The following ASTN1 variants were observed in gnomAD, a reference collection of about 807,000 sequenced individuals.
ASTN1 encodes astrotactin-1.
ASTN1 carries 41 observed loss-of-function variants against 140.7 expected under a neutral mutation model. That is an observed-to-expected ratio of 0.29 (90% CI 0.23 to 0.38). The LOEUF is 0.38. Ranked by LOEUF, ASTN1 falls within the 10% of genes least tolerant of loss-of-function variation. The pLI is 1.00. For missense variants in ASTN1, 1,479 were observed against 1,678.8 expected (o/e 0.88, Z 2.08); for synonymous variants, 640 against 652.2 (o/e 0.98, Z 0.29).
chr1:176,875,411 T>C (rs1571441345), intron 21 of ASTN1, among the ~76,000 whole-genome samples: 2 of 152,336 alleles, frequency 1.3e-5, no homozygotes, highest in South Asian at 2.1e-4. Context: ...GAAAGAGTTT[T>C]AAGAAGGGCC....
Position 177,063,061 on chromosome 1 carries a change from G to C in ASTN1, c.284-1796C>G, listed in dbSNP as rs146989314. Among the ~76,000 whole-genome samples, 401 of 152,294 alleles carry C rather than the reference G, an allele frequency of 2.6e-3. 2 individuals are homozygous for C. The highest frequency in any genetic ancestry group is 9.5e-3 in the African/African-American group (394 of 41,570). ...TGGGCAAGTGGACTTCCTTTCAATA[G>C]GTAGAGAAGTAGGGGAAGTATGTTC... On this transcript the variant is annotated intron_variant, in intron 1 of 22. Transcript: ENST00000361833.
chr1:177,149,160 G>GTA lies in ASTN1; in HGVS notation c.283+15232_283+15233dup, dbSNP rs1182356596. Among the ~76,000 whole-genome samples the GTA allele has an allele frequency of 1.0e-3, 97 of 95,516 alleles. 13 individuals carry two copies. Among genetic ancestry groups the GTA allele is most frequent in the African/African-American group, 6.5e-3 (91 of 14,090 alleles). 62.7% of individuals were successfully genotyped at this position (95,516 alleles called of 152,430 possible). On this transcript the variant is annotated intron_variant, in intron 1 of 22. Coordinates refer to ENST00000361833, the MANE Select transcript of ASTN1 (RefSeq NM_004319.3). ...CATATATATAGTGCATATATATAGT[G>GTA]TATATATAGTAAATATATAGTGTAT...
At chr1:176,891,819 A>T (rs1557939067) in intron 17 of ASTN1, among the ~76,000 whole-genome samples, 1 of 152,148 alleles carries the variant, frequency 6.6e-6, no homozygotes. Flanking sequence ...AAAAACAAAA[A>T]CAAACAACAA....
At chr1:176,984,778 G>A (rs946431536) in intron 8 of ASTN1, among the ~76,000 whole-genome samples, 1 of 152,152 alleles carries the variant, frequency 6.6e-6, no homozygotes, top group African/African-American at 2.4e-5. Flanking sequence ...CCTTGCTATA[G>A]TTATTAGCAT....
At chr1:177,134,800 T>C (rs1445436420) in intron 1 of ASTN1, among the ~76,000 whole-genome samples, 1 of 152,220 alleles carries the variant, frequency 6.6e-6, no homozygotes, top group Non-Finnish European at 1.5e-5. Flanking sequence ...ATGATCATCC[T>C]GTGAGAAGAG....
chr1:177,131,365 T>C (rs1681932979), intron 1 of ASTN1, among the ~76,000 whole-genome samples: 1 of 152,150 alleles, frequency 6.6e-6, no homozygotes, highest in Non-Finnish European at 1.5e-5. Context: ...AAAAGTGAAA[T>C]TTCAGTATTA....
At chr1:177,038,632 C>T (rs992421447) in intron 2 of ASTN1, among the ~76,000 whole-genome samples, 2 of 152,114 alleles carry the variant, frequency 1.3e-5, no homozygotes, top group African/African-American at 2.4e-5. Flanking sequence ...AAGTCAGCTG[C>T]TTGGGTGACT....
At chr1:176,980,407 C>A (rs142368771) in intron 8 of ASTN1, among the ~76,000 whole-genome samples, 120 of 152,132 alleles carry the variant, frequency 7.9e-4, no homozygotes, top group African/African-American at 2.6e-3. Flanking sequence ...AAGAAGAGTT[C>A]GATGCTGCTG....
intron 2 of ASTN1, among the ~76,000 whole-genome samples, chr1:177,052,395 T>G (rs1198294910): frequency 6.6e-6 from 1 of 152,246 alleles, no homozygotes; most frequent in African/African-American, 2.4e-5. Flanking sequence ...TCATCTCATT[T>G]AATAATTAAA....
intron 20 of ASTN1, among the ~76,000 whole-genome samples, chr1:176,876,984 A>G (rs975121874): frequency 1.3e-5 from 2 of 152,136 alleles, no homozygotes; most frequent in Admixed American, 6.5e-5. Context: ...GACCCACTGA[A>G]TTAGAAACTC....
intron 2 of ASTN1, among the ~76,000 whole-genome samples, chr1:177,045,187 A>T (rs1677158862): frequency 6.6e-6 from 1 of 152,172 alleles, no homozygotes; most frequent in Admixed American, 6.5e-5. Flanking sequence ...CCTAATGCAT[A>T]TGTGGACATT....
intron 20 of ASTN1, among the ~76,000 whole-genome samples, chr1:176,880,111 T>C (rs1176110781): frequency 6.6e-6 from 1 of 152,156 alleles, no homozygotes; most frequent in Non-Finnish European, 1.5e-5. Context: ...TACTGCTTTG[T>C]CCAAAACTCC....
At chr1:177,030,686 G>C (rs1676384684) in intron 4 of ASTN1, 120 bp downstream of exon 4, 1 of 1,352,744 alleles carries the variant, frequency 7.4e-7, no homozygotes, top group South Asian at 1.6e-5. Flanking sequence ...CTCCAGAAAG[G>C]CTGTGCCAGG....
chr1:177,116,371 T>G (rs1681092845), intron 1 of ASTN1, among the ~76,000 whole-genome samples: 1 of 152,006 alleles, frequency 6.6e-6, no homozygotes, highest in Non-Finnish European at 1.5e-5. Context: ...ACAACACATG[T>G]TTCATAATAC....
intron 16 of ASTN1, among the ~76,000 whole-genome samples, chr1:176,906,289 T>C (rs1170307333): frequency 2.0e-5 from 3 of 152,186 alleles, no homozygotes; most frequent in African/African-American, 7.2e-5. Context: ...CAGGACCACA[T>C]GAATTCTGTG....
chr1:177,003,856 C>T (rs1674861229), intron 8 of ASTN1, among the ~76,000 whole-genome samples: 1 of 151,350 alleles, frequency 6.6e-6, no homozygotes, highest in African/African-American at 2.4e-5. Flanking sequence ...GGAAAACCCA[C>T]AACCAACATC....
intron 7 of ASTN1, among the ~76,000 whole-genome samples, chr1:177,020,362 G>A (rs550583810): frequency 1.4e-4 from 22 of 152,258 alleles, no homozygotes; most frequent in South Asian, 2.1e-4. Flanking sequence ...GGAGGCACCC[G>A]GGAGAATCTA....
At chr1:176,882,500 G>T (rs942728278) in intron 20 of ASTN1, among the ~76,000 whole-genome samples, 2 of 152,148 alleles carry the variant, frequency 1.3e-5, no homozygotes, top group Non-Finnish European at 2.9e-5. Context: ...CAGTTTAGAT[G>T]ACATCCACTC....
At chr1:177,076,097 G>A (rs1449318174) in intron 1 of ASTN1, among the ~76,000 whole-genome samples, 3 of 151,842 alleles carry the variant, frequency 2.0e-5, no homozygotes, top group Non-Finnish European at 4.4e-5. Flanking sequence ...GGCTAACATG[G>A]TGAAACCCCA....
Sources: allele counts gnomAD v4.1 joint callset (sites outside exome capture counted in the v4.1 genomes callset), GRCh38; gene constraint gnomAD v4.1.1; transcripts MANE v1.5; gene names NCBI Gene and HGNC (gene_info 2026-07-23, HGNC 2026-07-21).